Variants in EYS observed in about 807,000 individuals in gnomAD.
EYS encodes the protein protein eyes shut homolog.
Under a neutral mutation model 282.1 loss-of-function variants are expected in EYS, and 250 were observed. That is an observed-to-expected ratio of 0.89 (90% CI 0.80 to 0.98). The LOEUF (loss-of-function observed/expected upper bound fraction) is 0.98. Among genes scored for constraint, EYS ranks in the 50% least tolerant of loss-of-function variants. The pLI, the probability that EYS is intolerant of heterozygous loss-of-function variation, is 0.00. For synonymous variants in EYS, 1,355 were observed against 1,282.9 expected (o/e 1.06, Z -1.20); for missense variants, 4,016 against 3,709.0 (o/e 1.08, Z -2.15).
chr6:65,637,483 GC>G (rs1188681483), intron 2 of EYS, among the ~76,000 whole-genome samples: 1 of 152,172 alleles, frequency 6.6e-6, no homozygotes. Flanking sequence ...GCAGGCGAGA[GC>G]CCAGACCCCT....
At chr6:64,339,897 G>A (rs1042149024) in intron 29 of EYS, among the ~76,000 whole-genome samples, 5 of 151,756 alleles carry the variant, frequency 3.3e-5, no homozygotes, top group Admixed American at 6.6e-5. Flanking sequence ...GGGACCTGGC[G>A]AGAAGGGAAG....
intron 29 of EYS, 66 bp downstream of exon 29, chr6:64,388,624 T>A (rs1427457553): frequency 2.2e-6 from 3 of 1,347,986 alleles, no homozygotes; most frequent in Non-Finnish European, 2.9e-6. Context: ...CTTTTTCATT[T>A]ATCAATATGA....
At chr6:64,918,006 C>T (rs964328282) in intron 15 of EYS, among the ~76,000 whole-genome samples, 8 of 151,640 alleles carry the variant, frequency 5.3e-5, no homozygotes, top group Admixed American at 3.3e-4. Context: ...AATGAGCTAC[C>T]GAATTAAATA....
rs376779088 is a variant in EYS at position 64,822,619 on chromosome 6, T to A, written c.3164+32A>T. 1.2e-4 allele frequency: 180 copies of A among 1,475,148 alleles called. No individual in the cohort carries two copies. In the Middle Eastern group the frequency reaches 3.3e-3, roughly 27 times the overall value. The allele number at this position is 1,475,148 out of a possible 1,614,324, so 91.4% of individuals were successfully genotyped here. A position where few individuals can be genotyped will look rare whatever the true frequency, so the allele number is the denominator to read the frequency against. On this transcript the variant is annotated intron_variant, in intron 20 of 42. Transcript: ENST00000503581. ...TTAAATATTGTGAGTTAAATATACT[T>A]TCATAAAGCTAATAATAAAAAAAAT... is the stretch of plus-strand genomic sequence containing the variant.
chr6:64,170,149 C>G (rs948472654), intron 31 of EYS, among the ~76,000 whole-genome samples: 1 of 152,080 alleles, frequency 6.6e-6, no homozygotes, highest in African/African-American at 2.4e-5. Context: ...ACTAGGTTTG[C>G]TTTTCCGCAT....
At chr6:65,022,180 C>T (rs1258866425) in intron 13 of EYS, among the ~76,000 whole-genome samples, 1 of 152,168 alleles carries the variant, frequency 6.6e-6, no homozygotes, top group Non-Finnish European at 1.5e-5. Flanking sequence ...TTTCTTTTTT[C>T]TCCTAAGTCT....
intron 22 of EYS, among the ~76,000 whole-genome samples, chr6:64,694,211 A>T (rs1770498261): frequency 6.6e-6 from 1 of 152,220 alleles, no homozygotes; most frequent in Non-Finnish European, 1.5e-5. Context: ...ATTTACCTGT[A>T]AATAGTAAAA....
intron 26 of EYS, among the ~76,000 whole-genome samples, chr6:64,509,032 T>C (rs182098552): frequency 8.5e-5 from 13 of 152,170 alleles, no homozygotes; most frequent in Admixed American, 2.0e-4. Flanking sequence ...AAATTATCTC[T>C]ACCTCCTCTT....
Position 64,608,842 on chromosome 6 carries a change from C to T in EYS, c.3684+8576G>A, listed in dbSNP as rs77266690. Among the ~76,000 whole-genome samples the T allele has an allele frequency of 7.7e-3, 1,166 of 152,158 alleles. 7 individuals carry two copies. The highest frequency in any genetic ancestry group is 0.011 in the Non-Finnish European group (738 of 68,002). On this transcript the variant is annotated intron_variant, in intron 24 of 42. Coordinates refer to ENST00000503581, the MANE Select transcript of EYS (RefSeq NM_001142800.2). ...CTGTATTACTTCAACTATATGGCATCCTTACAAATGCAAAACTATGAAGAC... is the reference window on the plus strand; with the variant it reads ...CTGTATTACTTCAACTATATGGCATTCTTACAAATGCAAAACTATGAAGAC...
chr6:64,609,119 A>T (rs1767026595), intron 24 of EYS, among the ~76,000 whole-genome samples: 1 of 152,170 alleles, frequency 6.6e-6, no homozygotes, highest in South Asian at 2.1e-4. Flanking sequence ...TGGGATGTTG[A>T]TAGTGAGGGA....
At chr6:65,416,366 A>C in intron 5 of EYS, among the ~76,000 whole-genome samples, 1 of 151,968 alleles carries the variant, frequency 6.6e-6, no homozygotes, top group Non-Finnish European at 1.5e-5. Context: ...CAATTCTCCA[A>C]GTGTAAGTTA....
intron 12 of EYS, among the ~76,000 whole-genome samples, chr6:65,275,153 T>C (rs1445770101): frequency 6.6e-6 from 1 of 152,154 alleles, no homozygotes; most frequent in Non-Finnish European, 1.5e-5. Flanking sequence ...AGGCATTCTG[T>C]TTGGAGCCTT....
Position 64,333,610 on chromosome 6 carries a change from T to C in EYS, c.6079-26528A>G, listed in dbSNP as rs1234951452. Among the ~76,000 whole-genome samples the C allele has an allele frequency of 5.3e-5, 8 of 152,270 alleles. No homozygotes were observed. In the East Asian group the frequency reaches 1.5e-3, roughly 29 times the overall value. On this transcript the variant is annotated intron_variant, in intron 29 of 42. Coordinates refer to ENST00000503581, the MANE Select transcript of EYS (RefSeq NM_001142800.2). Reference sequence around the variant, plus strand: ...AGTACTAAAGCCAAATATGCCTTTCTGGACTAAAATGGATAAGGGCTACTA... The same window carrying C: ...AGTACTAAAGCCAAATATGCCTTTCCGGACTAAAATGGATAAGGGCTACTA...
intron 40 of EYS, among the ~76,000 whole-genome samples, chr6:63,769,335 T>G (rs1265385099): frequency 6.6e-6 from 1 of 151,958 alleles, no homozygotes; most frequent in Non-Finnish European, 1.5e-5. Flanking sequence ...AATTTGATGA[T>G]AGTTCAGGAC....
chr6:64,710,552 G>A (rs1252438900), intron 22 of EYS, among the ~76,000 whole-genome samples: 2 of 152,178 alleles, frequency 1.3e-5, no homozygotes, highest in Non-Finnish European at 2.9e-5. Context: ...CTCCCACCCT[G>A]TGGAGTGCTT....
At chr6:64,408,784 T>C (rs1314943962) in intron 28 of EYS, among the ~76,000 whole-genome samples, 1 of 152,168 alleles carries the variant, frequency 6.6e-6, no homozygotes, top group Admixed American at 6.6e-5. Context: ...TGTATTAGGT[T>C]GGTGCAAAAG....
intron 12 of EYS, among the ~76,000 whole-genome samples, chr6:65,097,183 A>G (rs1774762699): frequency 6.6e-6 from 1 of 151,164 alleles, no homozygotes; most frequent in Admixed American, 6.6e-5. Context: ...AAATTGGCAA[A>G]GAATCTGAAT....
At chr6:64,616,532 G>T (rs550597254) in intron 24 of EYS, among the ~76,000 whole-genome samples, 117 of 152,172 alleles carry the variant, frequency 7.7e-4, no homozygotes, top group Non-Finnish European at 1.3e-3. Context: ...TCAAAATCTT[G>T]TGTTCCGTGA....
intron 29 of EYS, among the ~76,000 whole-genome samples, chr6:64,345,307 G>T (rs200086300): frequency 6.7e-6 from 1 of 150,264 alleles, no homozygotes; most frequent in Non-Finnish European, 1.5e-5. Context: ...ACTATACTAT[G>T]AGGCTACAGT....
Sources: gnomAD v4.1 joint callset for allele counts (sites outside exome capture counted in the v4.1 genomes callset) on GRCh38, gnomAD v4.1.1 for gene constraint, MANE v1.5 for transcripts, NCBI Gene and HGNC (gene_info 2026-07-23, HGNC 2026-07-21) for gene names.